REDIC1: variants seen among roughly 807,000 people sequenced by gnomAD.
REDIC1 encodes HEI10 Interacting Protein 1.
At chr12:39,906,716 T>C in the REDIC1 span, among the ~76,000 whole-genome samples, 1 of 152,088 alleles carries the variant, frequency 6.6e-6, no homozygotes, top group Non-Finnish European at 1.5e-5. Context: ...ATTAAATCAA[T>C]TACTAAAATT....
At chr12:39,830,249 C>G in the REDIC1 span, 1 of 1,608,108 alleles carries the variant, frequency 6.2e-7, no homozygotes, top group Non-Finnish European at 8.5e-7. Flanking sequence ...AAAAGAGTTA[C>G]CGTCATGTTG....
chr12:39,793,732 T>C, the REDIC1 span, among the ~76,000 whole-genome samples: 1 of 152,172 alleles, frequency 6.6e-6, no homozygotes, highest in Non-Finnish European at 1.5e-5. Flanking sequence ...ATTCTCCAGA[T>C]TATTCATGCA....
chr12:39,721,272 G>A, the REDIC1 span: 4 of 1,579,992 alleles, frequency 2.5e-6, no homozygotes, highest in Non-Finnish European at 3.5e-6. Context: ...TCTCTACCTA[G>A]GATGTAGAAT....
At chr12:39,905,767 T>C in the REDIC1 span, among the ~76,000 whole-genome samples, 2 of 148,962 alleles carry the variant, frequency 1.3e-5, no homozygotes, top group African/African-American at 4.9e-5. Flanking sequence ...GAAAAAAGTC[T>C]GCCACAAATT....
chr12:39,895,373 C>T, the REDIC1 span, among the ~76,000 whole-genome samples: 2 of 150,348 alleles, frequency 1.3e-5, no homozygotes, highest in African/African-American at 2.4e-5. Flanking sequence ...ACCTGTAGTC[C>T]CAGCTACTTG....
At chr12:39,765,694 C>T in the REDIC1 span, among the ~76,000 whole-genome samples, 2 of 152,052 alleles carry the variant, frequency 1.3e-5, no homozygotes, top group Admixed American at 1.3e-4. Flanking sequence ...CTGCCACATT[C>T]ATTTATTTTT....
At chr12:39,743,774 C>G in the REDIC1 span, among the ~76,000 whole-genome samples, 2 of 151,738 alleles carry the variant, frequency 1.3e-5, no homozygotes, top group Admixed American at 1.3e-4. Flanking sequence ...ATAGAAACTT[C>G]CAAAACTAAA....
chr12:39,862,417 C>A, the REDIC1 span, among the ~76,000 whole-genome samples: 1 of 152,150 alleles, frequency 6.6e-6, no homozygotes, highest in Non-Finnish European at 1.5e-5. Flanking sequence ...TACAAGTGGA[C>A]GTGCTGAGTC....
the REDIC1 span, among the ~76,000 whole-genome samples, chr12:39,725,512 G>A: frequency 6.6e-6 from 1 of 151,960 alleles, no homozygotes; most frequent in Non-Finnish European, 1.5e-5. Context: ...AATGGCTTTA[G>A]CAACAGGAAT....
the REDIC1 span, among the ~76,000 whole-genome samples, chr12:39,656,774 T>A: frequency 3.9e-5 from 6 of 152,104 alleles, no homozygotes; most frequent in African/African-American, 1.4e-4. Flanking sequence ...CTAATGTATG[T>A]TTATGTCCTA....
chr12:39,902,358 TA>T, the REDIC1 span, among the ~76,000 whole-genome samples: 7 of 151,134 alleles, frequency 4.6e-5, no homozygotes, highest in African/African-American at 9.7e-5. Flanking sequence ...AAATAAAAAT[TA>T]AAAAAAAGAA....
chr12:39,745,631 T>C, the REDIC1 span, among the ~76,000 whole-genome samples: 2 of 152,220 alleles, frequency 1.3e-5, no homozygotes, highest in Non-Finnish European at 2.9e-5. Context: ...AACTTGGTTA[T>C]AATATTTAAT....
chr12:39,714,196 T>G, the REDIC1 span, among the ~76,000 whole-genome samples: 1 of 141,050 alleles, frequency 7.1e-6, no homozygotes, highest in East Asian at 2.0e-4. Flanking sequence ...TATATGTATA[T>G]ATGTATATAC....
At chr12:39,882,312 A>G in the REDIC1 span, among the ~76,000 whole-genome samples, 2 of 152,128 alleles carry the variant, frequency 1.3e-5, no homozygotes, top group Non-Finnish European at 2.9e-5. Context: ...TGCCTTTCCA[A>G]CAAATTTTCA....
At chr12:39,884,891 A>G in the REDIC1 span, among the ~76,000 whole-genome samples, 2 of 152,228 alleles carry the variant, frequency 1.3e-5, no homozygotes, top group African/African-American at 4.8e-5. Flanking sequence ...AGCATTTAAA[A>G]TCAGCCAAGG....
chr12:39,679,654 A>T, the REDIC1 span, among the ~76,000 whole-genome samples: 6 of 152,136 alleles, frequency 3.9e-5, no homozygotes, highest in African/African-American at 1.4e-4. Context: ...CCTAAAACTC[A>T]TATGCACCCC....
At chr12:39,881,311 A>G in the REDIC1 span, among the ~76,000 whole-genome samples, 1 of 152,002 alleles carries the variant, frequency 6.6e-6, no homozygotes, top group Non-Finnish European at 1.5e-5. Context: ...AGATGACAAT[A>G]TGAGTGTGGT....
the REDIC1 span, among the ~76,000 whole-genome samples, chr12:39,811,791 T>C: frequency 1.3e-5 from 2 of 152,174 alleles, no homozygotes; most frequent in Admixed American, 6.5e-5. Flanking sequence ...TCTAGCTTTA[T>C]ATGATTAGTG....
At chr12:39,707,151 A>G in the REDIC1 span, among the ~76,000 whole-genome samples, 17 of 152,090 alleles carry the variant, frequency 1.1e-4, no homozygotes, top group East Asian at 3.1e-3. Flanking sequence ...AGGAGTTCAA[A>G]CAACTGTATA....
Sources: gnomAD v4.1 joint callset for allele counts (sites outside exome capture counted in the v4.1 genomes callset) on GRCh38, gnomAD v4.1.1 for gene constraint, MANE v1.5 for transcripts, NCBI Gene and HGNC (gene_info 2026-07-23, HGNC 2026-07-21) for gene names.